The following SCFD1 variants were observed in gnomAD, a reference collection of about 807,000 sequenced individuals.
SCFD1 encodes sec1 family domain containing 1.
SCFD1 carries 37 observed loss-of-function variants against 103.2 expected under a neutral mutation model. The observed-to-expected ratio is 0.36, with a 90% CI of 0.28 to 0.47. The LOEUF (loss-of-function observed/expected upper bound fraction) is 0.47. SCFD1 is among the 20% of genes least tolerant of loss of function. SCFD1 has a pLI of 1.00. For missense variants in SCFD1, 639 were observed against 761.2 expected (o/e 0.84, Z 1.89); for synonymous variants, 264 against 245.0 (o/e 1.08, Z -0.73).
At position 30,653,793 on chromosome 14, in the gene SCFD1, TC is replaced by T. The variant is rs550324121; in HGVS notation, c.855+206del. On this transcript the variant is annotated intron_variant, in intron 10 of 24. Coordinates refer to ENST00000458591, the MANE Select transcript of SCFD1 (RefSeq NM_016106.4). ...TTAAAGTTTAGTTTCAAATTTATGA[TC>T]TTTATAGGGTAAAGTAGTGGTTTTG... 1.4e-3 allele frequency: 583 copies of T among 418,674 alleles called. 5 individuals carry two copies. Among genetic ancestry groups the T allele is most frequent in the Middle Eastern group, 7.9e-3 (13 of 1,638 alleles). 25.9% of individuals were successfully genotyped at this position (418,674 alleles called of 1,614,324 possible). A position where few individuals can be genotyped will look rare whatever the true frequency, so the allele number is the denominator to read the frequency against.
At chr14:30,705,565 G>A (rs574235636) in intron 17 of SCFD1, among the ~76,000 whole-genome samples, 1 of 152,304 alleles carries the variant, frequency 6.6e-6, no homozygotes, top group Admixed American at 6.5e-5. Flanking sequence ...GAGCCTGGGA[G>A]GTCAAGGCTG....
chr14:30,674,071 T>G, intron 13 of SCFD1, 74 bp downstream of exon 13: 1 of 1,040,760 alleles, frequency 9.6e-7, no homozygotes, highest in East Asian at 2.6e-5. Context: ...AAAAAATTGT[T>G]AATGTTTTTA....
At chr14:30,727,565 T>C (rs2301547) in intron 23 of SCFD1, among the ~76,000 whole-genome samples, 11,879 of 152,284 alleles carry the variant, frequency 0.078, 751 homozygotes, top group African/African-American at 0.17. Context: ...TCAGGTCTTA[T>C]GGGCATCTGT....
chr14:30,703,956 TATATATAAATAA>T (rs1891282061), intron 17 of SCFD1, among the ~76,000 whole-genome samples: 3 of 52,518 alleles, frequency 5.7e-5, no homozygotes, highest in Non-Finnish European at 8.5e-5. Context: ...TATATATATA[TATATATAAATAA>T]TGAGATATCT....
chr14:30,625,095 A>AT (rs1016510477), intron 1 of SCFD1, among the ~76,000 whole-genome samples: 2 of 150,906 alleles, frequency 1.3e-5, no homozygotes, highest in African/African-American at 2.4e-5. Flanking sequence ...TTTTTATTTT[A>AT]TTTTTTTTAT....
At chr14:30,713,716 A>C (rs1455580507) in intron 19 of SCFD1, among the ~76,000 whole-genome samples, 3 of 152,166 alleles carry the variant, frequency 2.0e-5, no homozygotes, top group African/African-American at 7.2e-5. Context: ...CATTGTATAG[A>C]TCTAAGAGTA....
chr14:30,720,803 G>A (rs1315881949), intron 21 of SCFD1, among the ~76,000 whole-genome samples: 1 of 152,144 alleles, frequency 6.6e-6, no homozygotes, highest in Non-Finnish European at 1.5e-5. Context: ...AGCATCTGTG[G>A]ACTTTGGTGT....
At chr14:30,729,602 G>A (rs1893297231) in intron 23 of SCFD1, among the ~76,000 whole-genome samples, 1 of 152,102 alleles carries the variant, frequency 6.6e-6, no homozygotes, top group Non-Finnish European at 1.5e-5. Context: ...GGCTTCCTTA[G>A]TATGTTTTTG....
At chr14:30,710,464 T>C (rs1170810396) in intron 19 of SCFD1, among the ~76,000 whole-genome samples, 1 of 152,008 alleles carries the variant, frequency 6.6e-6, no homozygotes, top group Non-Finnish European at 1.5e-5. Flanking sequence ...AGTCTTTTTT[T>C]TGTTGCTCTT....
intron 19 of SCFD1, among the ~76,000 whole-genome samples, chr14:30,714,332 G>A (rs1296933513): frequency 2.0e-5 from 3 of 150,124 alleles, no homozygotes; most frequent in East Asian, 2.0e-4. Context: ...CCGCAGTCCG[G>A]CCTGGGCGAC....
chr14:30,703,124 G>A (rs1891190726), intron 17 of SCFD1, among the ~76,000 whole-genome samples: 1 of 151,492 alleles, frequency 6.6e-6, no homozygotes, highest in Non-Finnish European at 1.5e-5. Context: ...TAGCGAGCAT[G>A]ATAAACAAGG....
intron 1 of SCFD1, among the ~76,000 whole-genome samples, chr14:30,625,397 T>G (rs967412058): frequency 6.6e-6 from 1 of 152,100 alleles, no homozygotes; most frequent in Non-Finnish European, 1.5e-5. Flanking sequence ...GCTTAAAAAA[T>G]TTTGATTTTG....
At chr14:30,663,224 A>G (rs901061270) in intron 10 of SCFD1, among the ~76,000 whole-genome samples, 1 of 152,170 alleles carries the variant, frequency 6.6e-6, no homozygotes, top group African/African-American at 2.4e-5. Context: ...TTAGAGCAGT[A>G]ATTTTGCTAG....
intron 19 of SCFD1, among the ~76,000 whole-genome samples, chr14:30,710,078 G>C (rs1162672075): frequency 6.6e-6 from 1 of 151,996 alleles, no homozygotes; most frequent in African/African-American, 2.4e-5. Context: ...TATCCCCTAT[G>C]ATACCTGTAA....
chr14:30,733,159 G>A (rs527523613), intron 23 of SCFD1, among the ~76,000 whole-genome samples: 91 of 151,998 alleles, frequency 6.0e-4, no homozygotes, highest in Non-Finnish European at 1.2e-3. Flanking sequence ...ACAGGCATGC[G>A]CCACCACACC....
At chr14:30,701,430 C>G (rs1891070687) in intron 16 of SCFD1, among the ~76,000 whole-genome samples, 1 of 152,020 alleles carries the variant, frequency 6.6e-6, no homozygotes, top group Non-Finnish European at 1.5e-5. Context: ...TGGTGCACAT[C>G]TGTAATCTCA....
intron 15 of SCFD1, among the ~76,000 whole-genome samples, chr14:30,695,149 G>C (rs1286100559): frequency 6.6e-6 from 1 of 152,134 alleles, no homozygotes; most frequent in African/African-American, 2.4e-5. Flanking sequence ...ATATCTGCTG[G>C]TTCCAGGAAG....
At chr14:30,637,532 GT>G (rs1189999447) in intron 4 of SCFD1, among the ~76,000 whole-genome samples, 1 of 152,058 alleles carries the variant, frequency 6.6e-6, no homozygotes, top group Non-Finnish European at 1.5e-5. Flanking sequence ...AATTCTTAGT[GT>G]TACATAAAAT....
intron 14 of SCFD1, among the ~76,000 whole-genome samples, chr14:30,679,471 T>C (rs565641786): frequency 6.6e-6 from 1 of 152,128 alleles, no homozygotes; most frequent in Non-Finnish European, 1.5e-5. Context: ...TCTCTAAAAT[T>C]TTTTATTCCA....
Sources: gnomAD v4.1 joint callset for allele counts (sites outside exome capture counted in the v4.1 genomes callset) on GRCh38, gnomAD v4.1.1 for gene constraint, MANE v1.5 for transcripts, NCBI Gene and HGNC (gene_info 2026-07-23, HGNC 2026-07-21) for gene names.